FRMD1: variants seen among roughly 807,000 people sequenced by gnomAD.
FRMD1 encodes the protein FERM domain containing 1, also known as FERM domain-containing protein 1.
In FRMD1, 51 loss-of-function variants were observed where a neutral mutation model predicts 54.9. The ratio of observed to expected loss-of-function variants is 0.93; its 90% CI spans 0.74 to 1.17. The LOEUF (loss-of-function observed/expected upper bound fraction) is 1.17, where lower values mean the gene tolerates loss of function less well. FRMD1 is among the 50% of genes most tolerant of loss of function. The pLI is 0.00. For missense variants in FRMD1, 729 were observed against 743.0 expected (o/e 0.98, Z 0.22); for synonymous variants, 324 against 306.4 (o/e 1.06, Z -0.60).
chr6:168,085,147 G>A (rs1800896957), upstream of FRMD1, among the ~76,000 whole-genome samples: 1 of 152,252 alleles, frequency 6.6e-6, no homozygotes, highest in Non-Finnish European at 1.5e-5. Context: ...TAGAGTCCCT[G>A]AGCCAGGCAG....
chr6:168,069,272 C>T (rs905897647), intron 2 of FRMD1, among the ~76,000 whole-genome samples: 5 of 152,350 alleles, frequency 3.3e-5, no homozygotes, highest in Admixed American at 2.6e-4. Flanking sequence ...CCCCAGCACC[C>T]ACTCGCTCTT....
At position 168,055,501 on chromosome 6, in the gene FRMD1, T is replaced by C. The variant is rs1799367804; in HGVS notation, c.*1596A>G. The C allele has an allele frequency of 6.6e-6, 1 of 152,232 alleles. No individual in the cohort carries two copies. Among genetic ancestry groups the C allele is most frequent in the Non-Finnish European group, 1.5e-5 (1 of 68,058 alleles). The allele number at this position is 152,232 out of a possible 1,614,324, so 9.4% of individuals were successfully genotyped here. ...GGTGTGTACCTTCCCTCATGGTCCA[T>C]GGGACTGGGCTCTTGCTTCCAAGTT... On this transcript the variant is annotated 3_prime_UTR_variant, in exon 11 of 11. Coordinates refer to ENST00000283309, the MANE Select transcript of FRMD1 (RefSeq NM_024919.6).
chr6:168,072,656 G>T (rs1203651471), intron 2 of FRMD1, among the ~76,000 whole-genome samples: 1 of 152,204 alleles, frequency 6.6e-6, no homozygotes, highest in African/African-American at 2.4e-5. Flanking sequence ...GTCCTGGCCC[G>T]GGTTTTGCGG....
rs1324778298 is a variant in FRMD1, at chr6:168,053,696, G to C, written c.*3401C>G. On this transcript the variant is annotated 3_prime_UTR_variant, in exon 11 of 11. Transcript: ENST00000283309. Reference sequence around the variant, plus strand: ...TAAACCTTTGTGAATGCACTCGCAGGGCCGCAGAGCTCAGCTTTCCCCGTG... The same window carrying C: ...TAAACCTTTGTGAATGCACTCGCAGCGCCGCAGAGCTCAGCTTTCCCCGTG... 1 of 152,270 alleles carries C rather than the reference G, an allele frequency of 6.6e-6. No individual in the cohort carries two copies. The highest frequency in any genetic ancestry group is 1.5e-5 in the Non-Finnish European group (1 of 68,064). 9.4% of individuals were successfully genotyped at this position (152,270 alleles called of 1,614,324 possible). A position where few individuals can be genotyped will look rare whatever the true frequency, so the allele number is the denominator to read the frequency against.
chr6:168,065,886 C>T, intron 4 of FRMD1: 1 of 1,000,232 alleles, frequency 1.0e-6, no homozygotes, highest in Non-Finnish European at 1.2e-6. Flanking sequence ...CAGGGTAAAC[C>T]CTGTTCACGC....
chr6:168,081,775 A>T, upstream of FRMD1: 1 of 425,962 alleles, frequency 2.3e-6, no homozygotes, highest in Non-Finnish European at 4.2e-6. Flanking sequence ...CTTCGGGGCC[A>T]GGGAGCTGGC....
chr6:168,085,139 G>C (rs1800896819), upstream of FRMD1, among the ~76,000 whole-genome samples: 2 of 152,258 alleles, frequency 1.3e-5, no homozygotes, highest in Non-Finnish European at 1.5e-5. Context: ...GCCCCGAATA[G>C]AGTCCCTGAG....
At position 168,057,124 on chromosome 6, in the gene FRMD1, C is replaced by A. The variant is rs747625926; in HGVS notation, c.1623G>T (p.Glu541Asp). Reference sequence around the variant, plus strand: ...ACACCACAAACTCCTGTGGTGGAGCCTCTCCGAACAGGTCCAGGGCGAGAC... The same window carrying A: ...ACACCACAAACTCCTGTGGTGGAGCATCTCCGAACAGGTCCAGGGCGAGAC... ...SNCLALDLFG[E>D]APPQEFVV The change falls in exon 11 of 11, where the codon GAG becomes GAT. Residue 541 changes from glutamate (E) to aspartate (D), a missense_variant. By Grantham distance (45) the Glu-to-Asp change is conservative. Coordinates refer to ENST00000283309, the MANE Select transcript of FRMD1 (RefSeq NM_024919.6). The A allele has an allele frequency of 5.3e-6, 8 of 1,499,864 alleles. No individual in the cohort carries two copies. The East Asian group carries it at 2.0e-4, about 37-fold the overall frequency. The allele number at this position is 1,499,864 out of a possible 1,614,324, so 92.9% of individuals were successfully genotyped here.
Position 168,058,832 on chromosome 6 carries a change from A to G in FRMD1, c.1407+292T>C, listed in dbSNP as rs111873598. ...GGGCCCAGGTGTCCGGGTCCTGCCT[A>G]CAGTGGCCCGGTGACACTCAGGGCC... On this transcript the variant is annotated intron_variant, in intron 10 of 10. Transcript: ENST00000283309. Among the ~76,000 whole-genome samples, 850 of 152,144 alleles carry G rather than the reference A, an allele frequency of 5.6e-3. 14 individuals are homozygous for G. Among genetic ancestry groups the G allele is most frequent in the African/African-American group, 0.019 (809 of 41,520 alleles).
In FRMD1 at chr6:168,061,794, A is replaced by G. The variant is rs1350290325; in HGVS notation, c.1045+13T>C. The G allele has an allele frequency of 9.1e-6, 14 of 1,543,918 alleles. No homozygotes were observed. Among genetic ancestry groups the G allele is most frequent in the South Asian group, 2.4e-5 (2 of 83,844 alleles). Reference sequence around the variant, plus strand: ...TCCGGCTGCGGAGCCCAGCATACCCAGCCCAGCCCCACCTTCTGCCTCCTC... The same window carrying G: ...TCCGGCTGCGGAGCCCAGCATACCCGGCCCAGCCCCACCTTCTGCCTCCTC... On this transcript the variant is annotated intron_variant, in intron 8 of 10. Coordinates refer to ENST00000283309, the MANE Select transcript of FRMD1 (RefSeq NM_024919.6).
intron 4 of FRMD1, chr6:168,066,498 C>CAAAAT: frequency 8.5e-7 from 1 of 1,172,140 alleles, no homozygotes; most frequent in East Asian, 3.9e-5. Context: ...AACTCCGTCT[C>CAAAAT]AAAACAAAAC....
In FRMD1 at chr6:168,053,237, T is replaced by G. The variant is rs1481996054; in HGVS notation, c.*3860A>C. On this transcript the variant is annotated 3_prime_UTR_variant, in exon 11 of 11. Transcript: ENST00000283309. ...GCAGGGCTGCCCCGGATTTGTTTTCTAACCTTGGCACCTGGAAGGCAGCCT... is the reference window on the plus strand; with the variant it reads ...GCAGGGCTGCCCCGGATTTGTTTTCGAACCTTGGCACCTGGAAGGCAGCCT... The G allele has an allele frequency of 1.3e-5, 2 of 152,252 alleles. No homozygotes were observed. Among genetic ancestry groups the G allele is most frequent in the African/African-American group, 4.8e-5 (2 of 41,466 alleles). 9.4% of individuals were successfully genotyped at this position (152,252 alleles called of 1,614,324 possible). A position where few individuals can be genotyped will look rare whatever the true frequency, so the allele number is the denominator to read the frequency against.
intron 1 of FRMD1, among the ~76,000 whole-genome samples, chr6:168,088,268 C>T (rs1385987860): frequency 6.6e-6 from 1 of 152,238 alleles, no homozygotes; most frequent in Non-Finnish European, 1.5e-5. Flanking sequence ...CCGCCGTCAC[C>T]TGCCCCTGCT....
intron 1 of FRMD1, among the ~76,000 whole-genome samples, chr6:168,077,681 C>T (rs1800659151): frequency 1.3e-5 from 2 of 152,266 alleles, no homozygotes; most frequent in Admixed American, 6.5e-5. Flanking sequence ...CTGTTCAGAA[C>T]AGGCGGTTCA....
chr6:168,067,449 G>A lies in FRMD1; in HGVS notation c.305-3C>T, dbSNP rs1278834397. ...ATCCATAAATATATACTCATTGTCT[G>A]AAAGCAAAACAAAAGGCTTCATCAG... On this transcript the variant is annotated splice_region_variant and splice_polypyrimidine_tract_variant and intron_variant, in intron 2 of 10. Coordinates refer to ENST00000283309, the MANE Select transcript of FRMD1 (RefSeq NM_024919.6). 6.3e-7 allele frequency: 1 copy of A among 1,591,860 alleles called. No individual in the cohort carries two copies. Among genetic ancestry groups the A allele is most frequent in the African/African-American group, 1.3e-5 (1 of 74,338 alleles).
At chr6:168,066,902 T>G in intron 3 of FRMD1, 71 bp from the exon 4 acceptor site, 1 of 1,580,634 alleles carries the variant, frequency 6.3e-7, no homozygotes, top group Non-Finnish European at 8.6e-7. Flanking sequence ...GTCTTCCCAG[T>G]TGGGGGGGCC....
chr6:168,059,138 C>T lies in FRMD1; in HGVS notation c.1393G>A (p.Glu465Lys), dbSNP rs767322463. The T allele has an allele frequency of 2.1e-5, 33 of 1,579,362 alleles. No homozygotes were observed. The highest frequency in any genetic ancestry group is 1.8e-4 in the Middle Eastern group (1 of 5,518). The stretch of plus-strand genomic sequence containing the variant: ...GGGGACTCTACCTGGTGCACGGCCT[C>T]GGCGCTCTGGCCTCTGGTCCTGACC... ...TQVRTRGQSA[E>K]AVHQIQEMTA... Residue 465 changes from glutamate (E) to lysine (K), a missense_variant, in exon 10 of 11, where the codon GAG (glutamate) becomes AAG (lysine). By Grantham distance (56) the Glu-to-Lys change is moderately conservative. Coordinates refer to ENST00000283309, the MANE Select transcript of FRMD1 (RefSeq NM_024919.6). This position sits in a 1 kb window ranked among gnomAD's most constrained non-coding sequence, Gnocchi z 4.4.
rs142864890 is a variant in FRMD1, at chr6:168,053,488, G to A, written c.*3609C>T. On this transcript the variant is annotated 3_prime_UTR_variant, in exon 11 of 11. Transcript: ENST00000283309. ...TAGAGACGACATGACTGGGAACCCCGAAACGTCTCCCAGCAGACCGAGCCA... is the reference window on the plus strand; with the variant it reads ...TAGAGACGACATGACTGGGAACCCCAAAACGTCTCCCAGCAGACCGAGCCA... 1.1e-4 allele frequency: 17 copies of A among 152,458 alleles called. No homozygotes were observed. The highest frequency in any genetic ancestry group is 7.7e-4 in the East Asian group (4 of 5,172). 9.4% of individuals were successfully genotyped at this position (152,458 alleles called of 1,614,324 possible).
chr6:168,062,122 G>A (rs751267989), intron 7 of FRMD1, 141 bp from the exon 8 acceptor site: 10 of 867,746 alleles, frequency 1.2e-5, no homozygotes, highest in East Asian at 5.4e-5. Context: ...GGCTGTTGGC[G>A]GACACTGTGC....
Sources: allele counts gnomAD v4.1 joint callset (sites outside exome capture counted in the v4.1 genomes callset), GRCh38; gene constraint gnomAD v4.1.1; non-coding constraint Gnocchi (gnomAD v3.1); transcripts MANE v1.5; gene names NCBI Gene and HGNC (gene_info 2026-07-23, HGNC 2026-07-21).